Variants in KCNAB1 observed in about 807,000 individuals in gnomAD.
The protein encoded by KCNAB1 is potassium voltage-gated channel subfamily A regulatory beta subunit 1.
KCNAB1 carries 35 observed loss-of-function variants against 64.6 expected under a neutral mutation model. The observed-to-expected ratio is 0.54, with a 90% CI of 0.41 to 0.72. The LOEUF (loss-of-function observed/expected upper bound fraction) is 0.72. KCNAB1 is among the 30% of genes least tolerant of loss of function. KCNAB1 has a pLI of 0.00. For synonymous variants in KCNAB1, 177 were observed against 183.8 expected, an observed-to-expected ratio of 0.96 and a Z score of 0.30; for missense variants, 401 against 512.9, an observed-to-expected ratio of 0.78 and a Z score of 2.11.
intron 2 of KCNAB1, among the ~76,000 whole-genome samples, chr3:156,435,112 T>C (rs992643506): frequency 2.6e-5 from 4 of 152,110 alleles, no homozygotes; most frequent in Admixed American, 2.6e-4. Context: ...GGAGATGGGG[T>C]GTTTCCATAC....
intron 1 of KCNAB1, among the ~76,000 whole-genome samples, chr3:156,362,606 G>A (rs1725683881): frequency 6.6e-6 from 1 of 152,160 alleles, no homozygotes; most frequent in Non-Finnish European, 1.5e-5. Flanking sequence ...AGGATGAATT[G>A]AGTAAATACA....
intron 12 of KCNAB1, among the ~76,000 whole-genome samples, chr3:156,524,767 A>G (rs1246274484): frequency 1.3e-5 from 2 of 150,892 alleles, no homozygotes; most frequent in African/African-American, 2.4e-5. Context: ...AAAAAAAAAA[A>G]AAAAAAAAAG....
intron 3 of KCNAB1, among the ~76,000 whole-genome samples, chr3:156,454,703 C>T (rs1045591567): frequency 6.6e-6 from 1 of 152,142 alleles, no homozygotes; most frequent in African/African-American, 2.4e-5. Context: ...AGGTGGCAAG[C>T]AGGGAGGGAG....
At chr3:156,432,323 C>A (rs1054156443) in intron 2 of KCNAB1, among the ~76,000 whole-genome samples, 1 of 152,154 alleles carries the variant, frequency 6.6e-6, no homozygotes, top group African/African-American at 2.4e-5. Flanking sequence ...AAATATACAG[C>A]TTTGCCTTCT....
intron 1 of KCNAB1, among the ~76,000 whole-genome samples, chr3:156,137,972 C>T (rs1714463497): frequency 6.6e-6 from 1 of 152,098 alleles, no homozygotes; most frequent in Non-Finnish European, 1.5e-5. Context: ...CTGGGTTTAG[C>T]CTCAGTGATT....
At chr3:156,319,519 T>C (rs974186889) in intron 1 of KCNAB1, among the ~76,000 whole-genome samples, 5 of 152,158 alleles carry the variant, frequency 3.3e-5, no homozygotes, top group Non-Finnish European at 1.5e-5. Context: ...ATGCCAAACT[T>C]AAGAAGGGCA....
At chr3:156,497,644 T>C (rs1437515549) in intron 8 of KCNAB1, among the ~76,000 whole-genome samples, 1 of 152,128 alleles carries the variant, frequency 6.6e-6, no homozygotes, top group African/African-American at 2.4e-5. Flanking sequence ...AAGACTTGAG[T>C]CAGATATCTG....
At chr3:156,161,890 C>T (rs1023425511) in intron 1 of KCNAB1, among the ~76,000 whole-genome samples, 3 of 152,128 alleles carry the variant, frequency 2.0e-5, no homozygotes, top group African/African-American at 7.2e-5. Context: ...TGCATGTGAA[C>T]TCAGATGAAA....
intron 1 of KCNAB1, among the ~76,000 whole-genome samples, chr3:156,392,603 T>C (rs1350531649): frequency 1.3e-5 from 2 of 152,240 alleles, no homozygotes; most frequent in Admixed American, 6.5e-5. Flanking sequence ...CACCATCAAG[T>C]ATAATATGTG....
chr3:156,517,563 CA>C (rs1717641608), intron 11 of KCNAB1, among the ~76,000 whole-genome samples: 1 of 152,020 alleles, frequency 6.6e-6, no homozygotes, highest in African/African-American at 2.4e-5. Flanking sequence ...AAGAGGAAGG[CA>C]AGAAGGGAGT....
chr3:156,455,267 C>A (rs1374711923), intron 3 of KCNAB1, among the ~76,000 whole-genome samples: 2 of 152,248 alleles, frequency 1.3e-5, no homozygotes, highest in Admixed American at 1.3e-4. Flanking sequence ...ATATGGAATA[C>A]TAGGGCTGGC....
At position 156,179,103 on chromosome 3, in the gene KCNAB1, A is replaced by G. The variant is rs1176737919; in HGVS notation, c.275+58217A>G. Among the ~76,000 whole-genome samples the G allele has an allele frequency of 5.3e-5, 8 of 152,100 alleles. No homozygotes were observed. The South Asian group carries it at 1.7e-3, about 32-fold the overall frequency. On this transcript the variant is annotated intron_variant, in intron 1 of 13. Coordinates refer to ENST00000490337, the MANE Select transcript of KCNAB1 (RefSeq NM_172160.3). ...CAGTGATTCTTTGAGAATCACCAAT[A>G]TAATATTATATAAGGTTTATTTTTC...
At chr3:156,135,941 A>C (rs2108271306) in intron 1 of KCNAB1, among the ~76,000 whole-genome samples, 1 of 152,376 alleles carries the variant, frequency 6.6e-6, no homozygotes, top group South Asian at 2.1e-4. Context: ...AATAAGCATC[A>C]TTCAGATAAT....
In KCNAB1 at chr3:156,253,758, C is replaced by A. The variant is rs959196021; in HGVS notation, c.275+132872C>A. 1.2e-4 allele frequency among the ~76,000 whole-genome samples: 19 copies of A among 152,176 alleles called. 1 individual carries two copies. The highest frequency in any genetic ancestry group is 7.2e-4 in the Admixed American group (11 of 15,280). ...TCAACCTGGAAACCTGTTAAAAATG[C>A]AGATTCTTAGGTCCCATCCCAGACT... On this transcript the variant is annotated intron_variant, in intron 1 of 13. Coordinates refer to ENST00000490337, the MANE Select transcript of KCNAB1 (RefSeq NM_172160.3).
At chr3:156,238,979 C>T (rs561003056) in intron 1 of KCNAB1, among the ~76,000 whole-genome samples, 82 of 152,170 alleles carry the variant, frequency 5.4e-4, no homozygotes, top group Admixed American at 6.5e-4. Flanking sequence ...CCTTAAGTTT[C>T]GACACCTTTG....
At chr3:156,441,758 C>G (rs1206520748) in intron 2 of KCNAB1, among the ~76,000 whole-genome samples, 6 of 151,794 alleles carry the variant, frequency 4.0e-5, no homozygotes, top group African/African-American at 1.5e-4. Flanking sequence ...TTTTAAAGGC[C>G]CTGGAAACTT....
At chr3:156,466,324 A>G (rs1321210232) in intron 7 of KCNAB1, among the ~76,000 whole-genome samples, 1 of 152,128 alleles carries the variant, frequency 6.6e-6, no homozygotes. Flanking sequence ...TTTCTTTGCC[A>G]AGTAATAGTC....
chr3:156,206,498 G>A (rs1714672516), intron 1 of KCNAB1, among the ~76,000 whole-genome samples: 1 of 152,214 alleles, frequency 6.6e-6, no homozygotes. Flanking sequence ...GTTGAGAGAA[G>A]GAGCCTAGAA....
At chr3:156,310,375 G>C (rs1034996081) in intron 1 of KCNAB1, among the ~76,000 whole-genome samples, 1 of 152,158 alleles carries the variant, frequency 6.6e-6, no homozygotes. Flanking sequence ...AAAGGCATAA[G>C]TATGAAGAGT....
Sources: allele counts gnomAD v4.1 joint callset (sites outside exome capture counted in the v4.1 genomes callset), GRCh38; gene constraint gnomAD v4.1.1; transcripts MANE v1.5; gene names NCBI Gene and HGNC (gene_info 2026-07-23, HGNC 2026-07-21).